Variants in PRR5L observed in about 807,000 individuals in gnomAD.
PRR5L encodes proline-rich protein 5-like.
In PRR5L, 21 loss-of-function variants were observed where a neutral mutation model predicts 36.4. That is an observed-to-expected ratio of 0.58 (90% confidence interval 0.41 to 0.83). The LOEUF is 0.83. PRR5L is among the 40% of genes least tolerant of loss of function. PRR5L has a pLI of 0.00. For synonymous variants in PRR5L, 188 were observed against 197.0 expected, an observed-to-expected ratio of 0.95 and a Z score of 0.38; for missense variants, 381 against 473.3, an observed-to-expected ratio of 0.80 and a Z score of 1.81.
intron 3 of PRR5L, among the ~76,000 whole-genome samples, chr11:36,417,240 G>A (rs1858164038): frequency 6.6e-6 from 1 of 152,200 alleles, no homozygotes; most frequent in Admixed American, 6.5e-5. Flanking sequence ...TGTGCGCAAA[G>A]CTTGGCTTCT....
In PRR5L at chr11:36,401,276, C is replaced by G; in HGVS notation, c.155C>G (p.Ala52Gly). The change falls in exon 2 of 9, where the codon GCC (alanine) becomes GGC (glycine). Residue 52 changes from alanine to glycine, a missense_variant. Ala to Gly is a moderately conservative substitution (Grantham distance 60). Transcript: ENST00000530639. Reference protein sequence around the residue: ...RQALQLSSSSAWNSVQTAVIN... With the variant: ...RQALQLSSSSGWNSVQTAVIN... ...GCTCTGCAGCTGAGCTCCAGCTCAG[C>G]CTGGAACAGGTGAAGGAGGCTGCAG... 1 of 1,611,162 alleles carries G rather than the reference C, an allele frequency of 6.2e-7. No homozygotes were observed. Among genetic ancestry groups the G allele is most frequent in the Non-Finnish European group, 8.5e-7 (1 of 1,179,904 alleles).
intron 4 of PRR5L, among the ~76,000 whole-genome samples, chr11:36,427,754 G>GT (rs749075960): frequency 9.2e-5 from 14 of 152,272 alleles, no homozygotes; most frequent in Non-Finnish European, 1.6e-4. Context: ...GAACATGTGG[G>GT]TACTCAGCAT....
chr11:36,394,713 T>C (rs1857621951), intron 1 of PRR5L, among the ~76,000 whole-genome samples: 2 of 152,218 alleles, frequency 1.3e-5, no homozygotes, highest in Admixed American at 1.3e-4. Flanking sequence ...GCATCCCCTT[T>C]ATAAGGACAC....
intron 1 of PRR5L, among the ~76,000 whole-genome samples, chr11:36,351,947 A>C (rs1856980070): frequency 6.6e-6 from 1 of 151,456 alleles, no homozygotes; most frequent in Admixed American, 6.6e-5. Flanking sequence ...ACCCACTAGC[A>C]GGATTATTAG....
intron 1 of PRR5L, among the ~76,000 whole-genome samples, chr11:36,339,962 G>A (rs1171296318): frequency 6.6e-6 from 1 of 152,156 alleles, no homozygotes; most frequent in East Asian, 1.9e-4. Flanking sequence ...CTAAATGACT[G>A]CACCCAACTT....
chr11:36,408,931 T>C (rs1375559994), intron 3 of PRR5L, among the ~76,000 whole-genome samples: 2 of 152,188 alleles, frequency 1.3e-5, no homozygotes, highest in East Asian at 3.8e-4. Context: ...TTGATTTATT[T>C]ATTGAATAAA....
intron 1 of PRR5L, among the ~76,000 whole-genome samples, chr11:36,322,762 A>G (rs1317130160): frequency 2.0e-5 from 3 of 152,214 alleles, no homozygotes; most frequent in Non-Finnish European, 4.4e-5. Context: ...GTTACCCACA[A>G]AAGATACGGT....
chr11:36,405,031 T>C (rs1204688257), intron 3 of PRR5L, among the ~76,000 whole-genome samples: 1 of 152,200 alleles, frequency 6.6e-6, no homozygotes, highest in African/African-American at 2.4e-5. Flanking sequence ...GACTCAGGAA[T>C]GTGCTAATTG....
In PRR5L at chr11:36,374,211, C is replaced by G. The variant is rs553388794; in HGVS notation, c.-125-26786C>G. ...CCCAGGTTCAAGCAATTCTCTGCCTCAGTCTCCAGAGTACTTGGGATTACA... is the reference window on the plus strand; with the variant it reads ...CCCAGGTTCAAGCAATTCTCTGCCTGAGTCTCCAGAGTACTTGGGATTACA... On this transcript the variant is annotated intron_variant, in intron 1 of 8. Transcript: ENST00000530639. Among the ~76,000 whole-genome samples the G allele has an allele frequency of 2.0e-5, 3 of 152,118 alleles. No individual in the cohort carries two copies. The South Asian group carries it at 6.2e-4, about 32-fold the overall frequency.
At chr11:36,429,555 A>G (rs1304175166) in intron 4 of PRR5L, among the ~76,000 whole-genome samples, 1 of 152,086 alleles carries the variant, frequency 6.6e-6, no homozygotes, top group African/African-American at 2.4e-5. Flanking sequence ...AATGATGAAA[A>G]TTGAATCACA....
At chr11:36,346,515 G>T (rs914074361) in intron 1 of PRR5L, among the ~76,000 whole-genome samples, 4 of 152,004 alleles carry the variant, frequency 2.6e-5, no homozygotes, top group African/African-American at 9.7e-5. Flanking sequence ...CCCGGGAGGC[G>T]GAGCTTGTAG....
intron 1 of PRR5L, among the ~76,000 whole-genome samples, chr11:36,305,933 T>C (rs749423797): frequency 2.0e-5 from 3 of 152,190 alleles, no homozygotes; most frequent in African/African-American, 4.8e-5. Flanking sequence ...TAAAGTAAGG[T>C]TGCTGTGAGG....
chr11:36,454,703 C>T (rs1859014614), intron 8 of PRR5L: 1 of 152,298 alleles, frequency 6.6e-6, no homozygotes, highest in African/African-American at 2.4e-5. Context: ...TGACCAGAGC[C>T]AGAGAAGCGG....
At chr11:36,324,011 G>T (rs1387349071) in intron 1 of PRR5L, among the ~76,000 whole-genome samples, 1 of 152,100 alleles carries the variant, frequency 6.6e-6, no homozygotes, top group Non-Finnish European at 1.5e-5. Context: ...AAGCTATTTG[G>T]CAGTTATTAT....
At chr11:36,334,801 G>C (rs543850740) in intron 1 of PRR5L, among the ~76,000 whole-genome samples, 2 of 152,122 alleles carry the variant, frequency 1.3e-5, no homozygotes, top group South Asian at 2.1e-4. Flanking sequence ...ACTTAGCAAG[G>C]CAGAAGGAAC....
Position 36,377,848 on chromosome 11 carries a change from G to A in PRR5L, c.-125-23149G>A, listed in dbSNP as rs1313779586. 1 of 152,230 alleles carries A rather than the reference G, an allele frequency of 6.6e-6. No homozygotes were observed. Among genetic ancestry groups the A allele is most frequent in the Admixed American group, 6.5e-5 (1 of 15,280 alleles). 9.4% of individuals were successfully genotyped at this position (152,230 alleles called of 1,614,324 possible). A position where few individuals can be genotyped will look rare whatever the true frequency, so the allele number is the denominator to read the frequency against. On this transcript the variant is annotated intron_variant, in intron 1 of 8. Coordinates refer to ENST00000530639, the MANE Select transcript of PRR5L (RefSeq NM_001160167.2). The surrounding 1 kb of genome is among the most constrained non-coding windows in gnomAD (Gnocchi z 5.1). Reference sequence around the variant, plus strand: ...CTGCACGTCTGCCCCGGAGACCCGCGTGGAAAAAGCTCTGGGCTGGAATCT... The same window carrying A: ...CTGCACGTCTGCCCCGGAGACCCGCATGGAAAAAGCTCTGGGCTGGAATCT...
chr11:36,353,397 G>C (rs770414481), intron 1 of PRR5L, among the ~76,000 whole-genome samples: 10 of 152,160 alleles, frequency 6.6e-5, no homozygotes, highest in Non-Finnish European at 1.2e-4. Flanking sequence ...CATTTAGAAT[G>C]AAATGATTAC....
At chr11:36,317,661 T>G (rs1856571363) in intron 1 of PRR5L, among the ~76,000 whole-genome samples, 1 of 152,194 alleles carries the variant, frequency 6.6e-6, no homozygotes, top group Admixed American at 6.5e-5. Flanking sequence ...TAGTAGACAC[T>G]AGGTAGTTTT....
At chr11:36,326,316 CACACACA>C (rs1294909701) in intron 1 of PRR5L, among the ~76,000 whole-genome samples, 2 of 150,564 alleles carry the variant, frequency 1.3e-5, no homozygotes, top group African/African-American at 2.5e-5. Flanking sequence ...CACACACACA[CACACACA>C]CACACACACA....
Sources: gnomAD v4.1 joint callset for allele counts (sites outside exome capture counted in the v4.1 genomes callset) on GRCh38, gnomAD v4.1.1 for gene constraint, Gnocchi (gnomAD v3.1) non-coding constraint, MANE v1.5 for transcripts, NCBI Gene and HGNC (gene_info 2026-07-23, HGNC 2026-07-21) for gene names.